ITPK1: variants seen among roughly 807,000 people sequenced by gnomAD.
ITPK1 encodes the protein inositol-tetrakisphosphate 1-kinase, also known as inositol 1,3,4-trisphosphate 5/6-kinase.
ITPK1 carries 21 observed loss-of-function variants against 45.3 expected under a neutral mutation model. The ratio of observed to expected loss-of-function variants is 0.46; its 90% CI spans 0.33 to 0.67. ITPK1 has a LOEUF of 0.67. Among genes scored for constraint, ITPK1 ranks in the 30% least tolerant of loss-of-function variants. The pLI is 0.02. For synonymous variants in ITPK1, 258 were observed against 253.6 expected, an observed-to-expected ratio of 1.02 and a Z score of -0.16; for missense variants, 474 against 573.5, an observed-to-expected ratio of 0.83 and a Z score of 1.77.
intron 2 of ITPK1, among the ~76,000 whole-genome samples, chr14:93,102,940 A>G (rs901924188): frequency 4.0e-5 from 6 of 151,802 alleles, no homozygotes; most frequent in African/African-American, 7.3e-5. Context: ...CTCTACTAAA[A>G]ATACAAAAAA....
rs1021130872 is a variant in ITPK1 at position 93,014,677 on chromosome 14, C to T, written c.246+1999G>A. Among the ~76,000 whole-genome samples the T allele has an allele frequency of 2.6e-5, 4 of 152,248 alleles. No homozygotes were observed. The highest frequency in any genetic ancestry group is 9.6e-5 in the African/African-American group (4 of 41,466). On this transcript the variant is annotated intron_variant, in intron 4 of 10. Transcript: ENST00000267615. The surrounding 1 kb of genome is among the most constrained non-coding windows in gnomAD (Gnocchi z 4.4). Reference sequence around the variant, plus strand: ...ATCCATCTCTGGAGAGGCCACACGACAGGTGAGGAGAGCAAGCTAGCGCAG... The same window carrying T: ...ATCCATCTCTGGAGAGGCCACACGATAGGTGAGGAGAGCAAGCTAGCGCAG...
chr14:93,100,558 C>CAG (rs752146253), intron 2 of ITPK1, among the ~76,000 whole-genome samples: 16 of 142,896 alleles, frequency 1.1e-4, no homozygotes, highest in East Asian at 6.1e-4. Context: ...GAGAGAGAGA[C>CAG]AGAGAGAGAG....
At chr14:92,973,663 CA>C (rs1235147444) in intron 5 of ITPK1, among the ~76,000 whole-genome samples, 1 of 152,238 alleles carries the variant, frequency 6.6e-6, no homozygotes, top group African/African-American at 2.4e-5. Flanking sequence ...GGAAACAACC[CA>C]AATGGCTTTT....
At chr14:93,015,820 G>A (rs527353521) in intron 4 of ITPK1, among the ~76,000 whole-genome samples, 3 of 152,334 alleles carry the variant, frequency 2.0e-5, no homozygotes, top group Admixed American at 6.5e-5. Flanking sequence ...AACAGTGTCG[G>A]CAGGACGGCA....
rs1250312133 is a variant in ITPK1, at chr14:93,034,938, C to A, written c.121-18137G>T. On this transcript the variant is annotated intron_variant, in intron 3 of 10. Transcript: ENST00000267615. The surrounding 1 kb of genome is among the most constrained non-coding windows in gnomAD (Gnocchi z 4.1). ...GCAGGCCTTCCCTTCTCCAGCCCCACCCCAGGTAGCACTGACGGGCCTGGC... is the reference window on the plus strand; with the variant it reads ...GCAGGCCTTCCCTTCTCCAGCCCCAACCCAGGTAGCACTGACGGGCCTGGC... 6.6e-6 allele frequency among the ~76,000 whole-genome samples: 1 copy of A among 152,248 alleles called. No homozygotes were observed. The highest frequency in any genetic ancestry group is 2.4e-5 in the African/African-American group (1 of 41,462).
chr14:93,115,130 A>G lies in ITPK1; in HGVS notation c.34T>C (p.Tyr12His). 1 of 1,602,246 alleles carries G rather than the reference A, an allele frequency of 6.2e-7. No homozygotes were observed. Among genetic ancestry groups the G allele is most frequent in the South Asian group, 1.1e-5 (1 of 89,670 alleles). ...QTFLKGKRVG[Y>H]WLSEKKIKKL... is the part of the protein sequence containing the mutation. ...TTGATTTTCTTCTCGCTCAGCCAGT[A>G]GCCAACTCTCTTCCCTTTCAGAAAG... The change falls in exon 2 of 11, where the codon TAC (tyrosine) becomes CAC (histidine). Residue 12 changes from tyrosine to histidine, a missense_variant. Physicochemically the swap from Tyr to His is moderately conservative, Grantham distance 83 (BLOSUM62 2). Coordinates refer to ENST00000267615, the MANE Select transcript of ITPK1 (RefSeq NM_014216.6).
At chr14:93,105,104 G>A (rs1005959586) in intron 2 of ITPK1, among the ~76,000 whole-genome samples, 9 of 152,200 alleles carry the variant, frequency 5.9e-5, no homozygotes, top group African/African-American at 2.2e-4. Flanking sequence ...AGGTAGAACT[G>A]GGCTGGGCTG....
intron 5 of ITPK1, among the ~76,000 whole-genome samples, chr14:92,987,928 G>A (rs1269841287): frequency 6.6e-6 from 1 of 152,186 alleles, no homozygotes; most frequent in Non-Finnish European, 1.5e-5. Context: ...CCCAGCTGCC[G>A]CCTCATGCCG....
chr14:92,993,378 G>T (rs887664372), intron 5 of ITPK1, among the ~76,000 whole-genome samples: 3 of 152,198 alleles, frequency 2.0e-5, no homozygotes, highest in South Asian at 2.1e-4. Flanking sequence ...AGCCCTCAGG[G>T]ACAGGAGCCT....
At chr14:92,968,592 G>C (rs1370626115) in intron 5 of ITPK1, among the ~76,000 whole-genome samples, 1 of 152,176 alleles carries the variant, frequency 6.6e-6, no homozygotes, top group Admixed American at 6.5e-5. Flanking sequence ...CTGGAGTCCA[G>C]ACGAAATGCA....
intron 2 of ITPK1, among the ~76,000 whole-genome samples, chr14:93,095,428 C>A (rs1264947207): frequency 2.1e-5 from 3 of 144,338 alleles, no homozygotes; most frequent in African/African-American, 5.4e-5. Flanking sequence ...CAAGTTTGAC[C>A]CAGTCCCTCC....
intron 5 of ITPK1, among the ~76,000 whole-genome samples, chr14:92,982,708 T>C (rs1018813387): frequency 2.0e-5 from 3 of 152,234 alleles, no homozygotes; most frequent in African/African-American, 7.2e-5. Context: ...TCTGCTGTCA[T>C]CTGTCATGCA....
At chr14:92,943,016 GC>G (rs1887508840) in intron 10 of ITPK1, among the ~76,000 whole-genome samples, 1 of 152,248 alleles carries the variant, frequency 6.6e-6, no homozygotes, top group Admixed American at 6.5e-5. Context: ...ATCTGCCCAT[GC>G]CCTTACTTAT....
chr14:92,996,496 G>A (rs1887065652), intron 4 of ITPK1, among the ~76,000 whole-genome samples: 2 of 151,768 alleles, frequency 1.3e-5, no homozygotes, highest in Non-Finnish European at 1.5e-5. Context: ...ACGAGTTAAC[G>A]GATGCAGCAC....
intron 3 of ITPK1, among the ~76,000 whole-genome samples, chr14:93,062,004 C>T (rs1312319464): frequency 6.6e-6 from 1 of 152,212 alleles, no homozygotes; most frequent in Non-Finnish European, 1.5e-5. Flanking sequence ...AGGCTGGTGG[C>T]TCGCGCCTGT....
At chr14:92,987,981 G>A (rs755068667) in intron 5 of ITPK1, among the ~76,000 whole-genome samples, 1 of 152,204 alleles carries the variant, frequency 6.6e-6, no homozygotes, top group African/African-American at 2.4e-5. Context: ...GCGCTTAGCC[G>A]CCCCAGGGCA....
chr14:93,012,987 C>G lies in ITPK1; in HGVS notation c.246+3689G>C, dbSNP rs561691649. The stretch of plus-strand genomic sequence containing the variant: ...CCCACACCTGTCAGGTGGCTCTGGG[C>G]GCCACAGCGAGGAGAAGGCTCGTGT... On this transcript the variant is annotated intron_variant, in intron 4 of 10. Coordinates refer to ENST00000267615, the MANE Select transcript of ITPK1 (RefSeq NM_014216.6). This position sits in a 1 kb window ranked among gnomAD's most constrained non-coding sequence, Gnocchi z 4.9. Among the ~76,000 whole-genome samples, 147 of 152,166 alleles carry G rather than the reference C, an allele frequency of 9.7e-4. No homozygotes were observed. Among genetic ancestry groups the G allele is most frequent in the African/African-American group, 3.3e-3 (137 of 41,520 alleles).
chr14:92,940,125 C>T lies in ITPK1; in HGVS notation c.*1436G>A. 1 of 985,786 alleles carries T rather than the reference C, an allele frequency of 1.0e-6. No homozygotes were observed. Among genetic ancestry groups the T allele is most frequent in the Non-Finnish European group, 1.2e-6 (1 of 830,032 alleles). 61.1% of individuals were successfully genotyped at this position (985,786 alleles called of 1,614,324 possible). A position where few individuals can be genotyped will look rare whatever the true frequency, so the allele number is the denominator to read the frequency against. ...TGGGCATCCTGCAGCCCAGCTGAGC[C>T]AGGCCGAAGGACCTCCATGCACTGG... is the stretch of plus-strand genomic sequence containing the variant. On this transcript the variant is annotated 3_prime_UTR_variant, in exon 11 of 11. Coordinates refer to ENST00000267615, the MANE Select transcript of ITPK1 (RefSeq NM_014216.6).
At chr14:93,114,670 T>G (rs986441220) in intron 2 of ITPK1, among the ~76,000 whole-genome samples, 3 of 152,096 alleles carry the variant, frequency 2.0e-5, no homozygotes, top group African/African-American at 7.2e-5. Flanking sequence ...CCTTTCTTCA[T>G]GAAAGGGAAG....
Sources: gnomAD v4.1 joint callset for allele counts (sites outside exome capture counted in the v4.1 genomes callset) on GRCh38, gnomAD v4.1.1 for gene constraint, Gnocchi (gnomAD v3.1) non-coding constraint, MANE v1.5 for transcripts, NCBI Gene and HGNC (gene_info 2026-07-23, HGNC 2026-07-21) for gene names.